Variants in CTNNA3 observed in about 807,000 individuals in gnomAD.
CTNNA3 encodes the protein catenin alpha-3.
Under a neutral mutation model 95.7 loss-of-function variants are expected in CTNNA3, and 76 were observed. The ratio of observed to expected loss-of-function variants is 0.79; its 90% CI spans 0.66 to 0.96. CTNNA3 has a LOEUF of 0.96. Ranked by LOEUF, CTNNA3 falls within the 40% of genes least tolerant of loss-of-function variation. The pLI is 0.00. For synonymous variants in CTNNA3, 431 were observed against 374.4 expected (o/e 1.15, Z -1.74); for missense variants, 1,191 against 1,089.8 (o/e 1.09, Z -1.31).
intron 10 of CTNNA3, among the ~76,000 whole-genome samples, chr10:66,529,117 TG>T (rs1473379240): frequency 6.6e-6 from 1 of 152,032 alleles, no homozygotes; most frequent in Non-Finnish European, 1.5e-5. Context: ...TCACAATCAA[TG>T]TATTATTTAT....
chr10:66,258,479 A>G (rs2132091913), intron 13 of CTNNA3, among the ~76,000 whole-genome samples: 1 of 152,284 alleles, frequency 6.6e-6, no homozygotes, highest in Non-Finnish European at 1.5e-5. Context: ...CCTCCAGGGA[A>G]GTGAGGAACA....
intron 9 of CTNNA3, among the ~76,000 whole-genome samples, chr10:66,745,735 G>A (rs1172104179): frequency 4.0e-5 from 6 of 149,268 alleles, no homozygotes; most frequent in South Asian, 2.1e-4. Context: ...GACTACAGGC[G>A]CACATCACCA....
chr10:67,607,267 CATAA>C (rs1843309662), intron 2 of CTNNA3, among the ~76,000 whole-genome samples: 4 of 152,202 alleles, frequency 2.6e-5, no homozygotes, highest in South Asian at 2.1e-4. Context: ...AGCCTGATAA[CATAA>C]ATAGTCAATT....
intron 15 of CTNNA3, among the ~76,000 whole-genome samples, chr10:66,060,252 G>C (rs949118696): frequency 2.0e-5 from 3 of 151,416 alleles, no homozygotes; most frequent in Non-Finnish European, 4.4e-5. Flanking sequence ...TACCTAAGAG[G>C]GAGAGCAAAA....
intron 7 of CTNNA3, among the ~76,000 whole-genome samples, chr10:67,114,193 T>C (rs1379209546): frequency 3.3e-5 from 5 of 152,146 alleles, no homozygotes; most frequent in African/African-American, 4.8e-5. Context: ...CCAACTTTCT[T>C]TGAAAATTAA....
intron 1 of CTNNA3, among the ~76,000 whole-genome samples, chr10:67,694,789 T>C (rs1271470237): frequency 6.6e-6 from 1 of 152,136 alleles, no homozygotes; most frequent in Non-Finnish European, 1.5e-5. Flanking sequence ...AACACATCAA[T>C]GAAATTACAG....
intron 8 of CTNNA3, among the ~76,000 whole-genome samples, chr10:66,772,357 G>A (rs999930290): frequency 2.6e-4 from 39 of 149,902 alleles, no homozygotes; most frequent in African/African-American, 8.4e-4. Context: ...CCTGGGAGGC[G>A]GAGGTTGCAA....
At chr10:65,930,199 TAAAA>T (rs71472402) in intron 17 of CTNNA3, among the ~76,000 whole-genome samples, 1,054 of 60,686 alleles carry the variant, frequency 0.017, 10 homozygotes, top group African/African-American at 0.055. Flanking sequence ...CAGAGCTCAG[TAAAA>T]AAAAAAAAAA....
At chr10:67,229,188 C>A (rs1001576076) in intron 5 of CTNNA3, among the ~76,000 whole-genome samples, 23 of 152,092 alleles carry the variant, frequency 1.5e-4, no homozygotes, top group African/African-American at 2.4e-5. Context: ...AAATGTGATA[C>A]ACCACATAAA....
chr10:66,635,176 G>A (rs987491847), intron 9 of CTNNA3, among the ~76,000 whole-genome samples: 3 of 152,024 alleles, frequency 2.0e-5, no homozygotes, highest in Admixed American at 1.3e-4. Flanking sequence ...AAAAGTATGT[G>A]TCACCTGCCT....
rs568091869 is a variant in CTNNA3, at chr10:65,955,157, T to C, written c.2400+11455A>G. Among the ~76,000 whole-genome samples, 92 of 152,342 alleles carry C rather than the reference T, an allele frequency of 6.0e-4. 1 individual carries two copies. Among genetic ancestry groups the C allele is most frequent in the Non-Finnish European group, 8.7e-4 (59 of 68,026 alleles). On this transcript the variant is annotated intron_variant, in intron 17 of 17. Coordinates refer to ENST00000433211, the MANE Select transcript of CTNNA3 (RefSeq NM_013266.4). ...TTATTCTCTTTGAAGCAATTGTGAA[T>C]GGGAGTTCACTCATGATTTGGCTCT...
intron 9 of CTNNA3, among the ~76,000 whole-genome samples, chr10:66,743,066 T>C (rs1849380505): frequency 6.6e-6 from 1 of 152,140 alleles, no homozygotes; most frequent in Non-Finnish European, 1.5e-5. Flanking sequence ...GGACATAAGA[T>C]CCAAGATTTT....
intron 7 of CTNNA3, among the ~76,000 whole-genome samples, chr10:66,894,807 T>C (rs1845409613): frequency 6.6e-6 from 1 of 151,900 alleles, no homozygotes; most frequent in Non-Finnish European, 1.5e-5. Flanking sequence ...GCTTTATTTA[T>C]GCATAATTAA....
At chr10:67,443,694 T>A (rs1271698724) in intron 5 of CTNNA3, among the ~76,000 whole-genome samples, 8 of 152,152 alleles carry the variant, frequency 5.3e-5, no homozygotes, top group African/African-American at 1.7e-4. Flanking sequence ...TTCTGGATAT[T>A]AGCCCTTTGT....
chr10:67,065,980 T>C (rs114187959), intron 7 of CTNNA3, among the ~76,000 whole-genome samples: 1,987 of 152,208 alleles, frequency 0.013, 49 homozygotes, highest in African/African-American at 0.045. Flanking sequence ...ATGTCAACTA[T>C]GATTGTCATA....
intron 7 of CTNNA3, among the ~76,000 whole-genome samples, chr10:66,907,313 G>T (rs112929660): frequency 1.1e-3 from 163 of 152,132 alleles, no homozygotes; most frequent in African/African-American, 3.6e-3. Flanking sequence ...AAACAAATAT[G>T]AAGCAATTGC....
At chr10:67,166,211 C>T (rs933284741) in intron 7 of CTNNA3, among the ~76,000 whole-genome samples, 3 of 152,150 alleles carry the variant, frequency 2.0e-5, no homozygotes, top group African/African-American at 7.2e-5. Flanking sequence ...GATCATAACG[C>T]ACATTTTAGA....
chr10:67,671,465 C>T (rs762045233), intron 1 of CTNNA3, among the ~76,000 whole-genome samples: 38 of 151,546 alleles, frequency 2.5e-4, no homozygotes, highest in Middle Eastern at 3.4e-3. Flanking sequence ...CCCATTAACT[C>T]GTCATTTAGC....
intron 3 of CTNNA3, among the ~76,000 whole-genome samples, chr10:67,577,067 C>A (rs1842183700): frequency 6.7e-6 from 1 of 150,316 alleles, no homozygotes; most frequent in South Asian, 2.1e-4. Context: ...GGGTATATAC[C>A]CAGTAATGGG....
Sources: gnomAD v4.1 joint callset for allele counts (sites outside exome capture counted in the v4.1 genomes callset) on GRCh38, gnomAD v4.1.1 for gene constraint, MANE v1.5 for transcripts, NCBI Gene and HGNC (gene_info 2026-07-23, HGNC 2026-07-21) for gene names.